The following WDR27 variants were observed in gnomAD, a reference collection of about 807,000 sequenced individuals.
WDR27 encodes the protein WD repeat domain 27.
WDR27 carries 100 observed loss-of-function variants against 114.4 expected under a neutral mutation model. That is an observed-to-expected ratio of 0.87 (90% confidence interval 0.74 to 1.03). WDR27 has a LOEUF of 1.03. Among genes scored for constraint, WDR27 ranks in the 50% least tolerant of loss-of-function variants. The probability of loss-of-function intolerance (pLI) is 0.00; values close to 1 mark genes in which losing one functional copy is unlikely to be tolerated. For synonymous variants in WDR27, 449 were observed against 423.1 expected (o/e 1.06, Z -0.75); for missense variants, 1,129 against 1,092.9 (o/e 1.03, Z -0.47).
At chr6:169,550,145 T>G (rs1324671823) in intron 25 of WDR27, among the ~76,000 whole-genome samples, 1 of 152,190 alleles carries the variant, frequency 6.6e-6, no homozygotes, top group Non-Finnish European at 1.5e-5. Flanking sequence ...CTCCATACTT[T>G]CCTCACAATT....
intron 22 of WDR27, among the ~76,000 whole-genome samples, chr6:169,604,785 G>T (rs1808766077): frequency 2.0e-5 from 3 of 152,032 alleles, no homozygotes; most frequent in Non-Finnish European, 4.4e-5. Flanking sequence ...TGCCAGGATG[G>T]TTCAACATAC....
At chr6:169,685,751 CAGA>C (rs1250203013) in intron 2 of WDR27, among the ~76,000 whole-genome samples, 4 of 152,074 alleles carry the variant, frequency 2.6e-5, no homozygotes, top group African/African-American at 9.7e-5. Context: ...GGCATTCTAG[CAGA>C]AGAAGATAAG....
chr6:169,458,353 A>G lies in WDR27; in HGVS notation c.2646-719T>C, dbSNP rs115215433. The stretch of plus-strand genomic sequence containing the variant: ...TTACAGAGGGTGCAAATAGGCGAGC[A>G]GCCATTGTTACTGTTCCCACATGGC... On this transcript the variant is annotated intron_variant, in intron 25 of 25. Coordinates refer to ENST00000448612, the MANE Select transcript of WDR27 (RefSeq NM_182552.5). Among the ~76,000 whole-genome samples the G allele has an allele frequency of 2.4e-3, 362 of 152,314 alleles. 3 individuals are homozygous for G. The highest frequency in any genetic ancestry group is 7.9e-3 in the African/African-American group (328 of 41,566).
intron 25 of WDR27, among the ~76,000 whole-genome samples, chr6:169,539,201 CCA>C (rs1796551215): frequency 1.3e-5 from 2 of 152,202 alleles, no homozygotes; most frequent in African/African-American, 2.4e-5. Context: ...GACAGCCTCA[CCA>C]CAGTGTCCCA....
At chr6:169,602,624 CTT>C (rs1422849519) in intron 22 of WDR27, among the ~76,000 whole-genome samples, 10 of 152,064 alleles carry the variant, frequency 6.6e-5, no homozygotes, top group South Asian at 2.1e-4. Context: ...TCAAAACAAA[CTT>C]AACAAATCTT....
At chr6:169,644,568 G>A (rs535415754) in intron 16 of WDR27, among the ~76,000 whole-genome samples, 46 of 147,370 alleles carry the variant, frequency 3.1e-4, no homozygotes, top group African/African-American at 1.1e-3. Context: ...CTGTCGAAAA[G>A]CCTAGTTCAC....
chr6:169,616,737 T>C (rs757320873), intron 21 of WDR27, among the ~76,000 whole-genome samples: 2 of 152,142 alleles, frequency 1.3e-5, no homozygotes, highest in Admixed American at 6.5e-5. Context: ...CAGTTTTCAA[T>C]AGATAAAAAA....
intron 25 of WDR27, among the ~76,000 whole-genome samples, chr6:169,471,481 A>G (rs1786386503): frequency 6.6e-6 from 1 of 152,178 alleles, no homozygotes; most frequent in Non-Finnish European, 1.5e-5. Flanking sequence ...TTTAAAAACC[A>G]TCAAGAAAAA....
intron 23 of WDR27, among the ~76,000 whole-genome samples, chr6:169,599,174 T>A (rs796456845): frequency 1.2e-4 from 17 of 143,734 alleles, no homozygotes; most frequent in African/African-American, 4.1e-4. Context: ...GTGTGTGATG[T>A]TCCCCTTCCT....
chr6:169,592,783 CAGT>C (rs1448080622), intron 23 of WDR27, among the ~76,000 whole-genome samples: 1 of 152,176 alleles, frequency 6.6e-6, no homozygotes, highest in Non-Finnish European at 1.5e-5. Flanking sequence ...AAAGTTTTCT[CAGT>C]AAGATGTCAG....
intron 13 of WDR27, among the ~76,000 whole-genome samples, chr6:169,654,134 ACTC>A (rs1162162405): frequency 6.6e-6 from 1 of 152,168 alleles, no homozygotes; most frequent in Non-Finnish European, 1.5e-5. Flanking sequence ...TTGATGCAAA[ACTC>A]CTCAATAAAA....
chr6:169,554,765 A>G (rs1798640678), intron 25 of WDR27, among the ~76,000 whole-genome samples: 1 of 152,024 alleles, frequency 6.6e-6, no homozygotes, highest in Non-Finnish European at 1.5e-5. Flanking sequence ...TGCATTAGTA[A>G]CCTCCTAGGT....
At chr6:169,569,198 A>G (rs1800973803) in intron 25 of WDR27, among the ~76,000 whole-genome samples, 1 of 151,968 alleles carries the variant, frequency 6.6e-6, no homozygotes, top group African/African-American at 2.4e-5. Context: ...CAGGAAAATT[A>G]TTTATGGTTT....
chr6:169,452,509 GCCGTGCGTGGGGTCAGAGAGGA>G (rs746106565), downstream of WDR27, among the ~76,000 whole-genome samples: 332 of 11,206 alleles, frequency 0.03, 2 homozygotes, highest in Admixed American at 0.082. Context: ...TCAGAGAGGA[GCCGTGCGTGGGGTCAGAGAGGA>G]GCCGTGCGTG....
chr6:169,486,019 G>C (rs1345103418), intron 25 of WDR27, among the ~76,000 whole-genome samples: 1 of 152,110 alleles, frequency 6.6e-6, no homozygotes, highest in African/African-American at 2.4e-5. Flanking sequence ...TGGAGAGCAA[G>C]GAGAGGATCA....
chr6:169,587,819 A>T (rs1205723153), intron 23 of WDR27, among the ~76,000 whole-genome samples: 6 of 152,258 alleles, frequency 3.9e-5, no homozygotes, highest in Non-Finnish European at 8.8e-5. Context: ...AGCTGCAGCC[A>T]TGTCTCCATG....
intron 25 of WDR27, among the ~76,000 whole-genome samples, chr6:169,537,333 T>C (rs1206974946): frequency 6.6e-6 from 1 of 152,100 alleles, no homozygotes; most frequent in Non-Finnish European, 1.5e-5. Context: ...AATAGGGTGA[T>C]GTGATAGGGA....
intron 23 of WDR27, among the ~76,000 whole-genome samples, chr6:169,598,189 G>C (rs75667803): frequency 6.6e-6 from 1 of 152,110 alleles, no homozygotes; most frequent in African/African-American, 2.4e-5. Flanking sequence ...TTAACTGAAG[G>C]GTATTGAGAT....
chr6:169,536,587 C>A (rs965019241), intron 25 of WDR27, among the ~76,000 whole-genome samples: 1 of 152,174 alleles, frequency 6.6e-6, no homozygotes, highest in Non-Finnish European at 1.5e-5. Context: ...AACCCTTGCA[C>A]AAATGTGTGA....
Sources: allele counts gnomAD v4.1 joint callset (sites outside exome capture counted in the v4.1 genomes callset), GRCh38; gene constraint gnomAD v4.1.1; transcripts MANE v1.5; gene names NCBI Gene and HGNC (gene_info 2026-07-23, HGNC 2026-07-21).